The following SIRT2 variants were observed in gnomAD, a reference collection of about 807,000 sequenced individuals.
SIRT2 encodes sirtuin 2, also known as NAD-dependent protein deacetylase sirtuin-2.
Under a neutral mutation model 57.4 loss-of-function variants are expected in SIRT2, and 40 were observed. The observed-to-expected ratio is 0.70, with a 90% CI of 0.54 to 0.91. SIRT2 has a LOEUF of 0.91. SIRT2 is among the 40% of genes least tolerant of loss of function. The pLI is 0.00. For missense variants in SIRT2, 439 were observed against 510.4 expected (o/e 0.86, Z 1.35); for synonymous variants, 161 against 195.7 (o/e 0.82, Z 1.48).
rs143889239 is a variant in SIRT2 at position 38,889,718 on chromosome 19, C to T, written c.403G>A (p.Ala135Thr). Residue 135 changes from alanine to threonine, a missense_variant, in exon 7 of 16, where the codon GCC (alanine) becomes ACC (threonine). Physicochemically the swap from Ala to Thr is moderately conservative, Grantham distance 58. Coordinates refer to ENST00000249396, the MANE Select transcript of SIRT2 (RefSeq NM_012237.4). ...KKHPEPFFAL[A>T]KELYPGQFKP... ...AACTGCCCAGGATAGAGTTCCTTGG[C>T]GAGGGCGAAGAAGGGTTCCGGATGT... 2.3e-4 allele frequency: 372 copies of T among 1,614,074 alleles called. No homozygotes were observed. Among genetic ancestry groups the T allele is most frequent in the African/African-American group, 2.0e-3 (151 of 74,998 alleles).
At position 38,893,873 on chromosome 19, in the gene SIRT2, AG is replaced by A. The variant is rs1381362517; in HGVS notation, c.64-7del. 6.2e-7 allele frequency: 1 copy of A among 1,614,006 alleles called. No individual in the cohort carries two copies. The highest frequency in any genetic ancestry group is 8.5e-7 in the Non-Finnish European group (1 of 1,179,968). Reference sequence around the variant, plus strand: ...TCAGAGTCTGAATCTGAGTCCTGGAAGGGGTGGGGTGGAGTGGCCAGGCCCG... The same window carrying A: ...TCAGAGTCTGAATCTGAGTCCTGGAAGGGTGGGGTGGAGTGGCCAGGCCCG... On this transcript the variant is annotated splice_polypyrimidine_tract_variant and splice_region_variant and intron_variant, in intron 2 of 15. Transcript: ENST00000249396.
At chr19:38,883,237 C>G (rs1015148660) in intron 9 of SIRT2, among the ~76,000 whole-genome samples, 1 of 151,086 alleles carries the variant, frequency 6.6e-6, no homozygotes, top group South Asian at 2.1e-4. Flanking sequence ...CATGCCACCA[C>G]ACCAGGCTAA....
chr19:38,884,698 C>T (rs576454019), intron 8 of SIRT2, among the ~76,000 whole-genome samples: 2 of 152,182 alleles, frequency 1.3e-5, no homozygotes, highest in Non-Finnish European at 2.9e-5. Flanking sequence ...TTGCTTGCCT[C>T]GGCCTCCCAA....
chr19:38,883,835 G>A, intron 8 of SIRT2, 79 bp from the exon 9 acceptor site: 1 of 1,510,500 alleles, frequency 6.6e-7, no homozygotes, highest in South Asian at 1.2e-5. Flanking sequence ...GGGAGTTGAG[G>A]GCCACGAGGA....
chr19:38,886,856 G>A (rs1176741973), intron 8 of SIRT2, among the ~76,000 whole-genome samples: 1 of 151,954 alleles, frequency 6.6e-6, no homozygotes, highest in Admixed American at 6.6e-5. Context: ...TCCTGACGTT[G>A]ACTTTGGCCT....
chr19:38,881,528 A>G, intron 9 of SIRT2, 37 bp from the exon 10 acceptor site: 1 of 1,590,162 alleles, frequency 6.3e-7, no homozygotes, highest in Non-Finnish European at 8.6e-7. Flanking sequence ...GAAGGCAGTA[A>G]GAGGATCTGG....
At position 38,889,126 on chromosome 19, in the gene SIRT2, C is replaced by G. The variant is rs1973436741; in HGVS notation, c.462G>C (p.Leu154=). The change falls in exon 8 of 16, where the codon CTG becomes CTC. Residue 154 remains leucine, a synonymous_variant. Coordinates refer to ENST00000249396, the MANE Select transcript of SIRT2 (RefSeq NM_012237.4). ...GCAGGAGTAGCCCCTTGTCCTTCAGCAGGCGCATGAAGTAGTGACAGATGG... is the reference window on the plus strand; with the variant it reads ...GCAGGAGTAGCCCCTTGTCCTTCAGGAGGCGCATGAAGTAGTGACAGATGG... ...KPTICHYFMR[L]LKDKGLLLRC... 1 of 1,613,170 alleles carries G rather than the reference C, an allele frequency of 6.2e-7. No homozygotes were observed. The highest frequency in any genetic ancestry group is 1.1e-5 in the South Asian group (1 of 91,084).
At chr19:38,885,206 C>T (rs1973287678) in intron 8 of SIRT2, among the ~76,000 whole-genome samples, 1 of 152,150 alleles carries the variant, frequency 6.6e-6, no homozygotes, top group Non-Finnish European at 1.5e-5. Flanking sequence ...CCACCTCAGC[C>T]CACTGAGTAG....
At chr19:38,886,411 C>T (rs1430420730) in intron 8 of SIRT2, among the ~76,000 whole-genome samples, 2 of 151,938 alleles carry the variant, frequency 1.3e-5, no homozygotes, top group African/African-American at 4.8e-5. Context: ...GGAAAAGAAC[C>T]ACCGAAATAC....
intron 2 of SIRT2, among the ~76,000 whole-genome samples, chr19:38,896,759 C>T (rs530090763): frequency 5.3e-5 from 8 of 152,330 alleles, no homozygotes; most frequent in Admixed American, 3.3e-4. Context: ...TAACAGGAGG[C>T]TCTTATATCC....
chr19:38,893,393 C>T (rs1973606370), intron 4 of SIRT2, 21 bp downstream of exon 4: 3 of 1,529,742 alleles, frequency 2.0e-6, no homozygotes, highest in East Asian at 2.2e-5. Context: ...CAAAGTGGCC[C>T]AATCCTGACA....
At position 38,880,722 on chromosome 19, in the gene SIRT2, G is replaced by A; in HGVS notation, c.839C>T (p.Thr280Ile). The change falls in exon 13 of 16, where the codon ACC (threonine) becomes ATC (isoleucine). Residue 280 changes from threonine (T) to isoleucine (I), a missense_variant. Physicochemically the swap from Thr to Ile is moderately conservative, Grantham distance 89 (BLOSUM62 -1). Coordinates refer to ENST00000249396, the MANE Select transcript of SIRT2 (RefSeq NM_012237.4). This position sits in a 1 kb window ranked among gnomAD's most constrained non-coding sequence, Gnocchi z 4.1. Reference protein sequence around the residue: ...ASLISKAPLSTPRLLINKEKA... With the variant: ...ASLISKAPLSIPRLLINKEKA... ...CTCCTTGTTGATGAGCAGGCGAGGG[G>A]TGGAGAGGGGTGCCCTGTGGGGAGG... 6.2e-7 allele frequency: 1 copy of A among 1,602,850 alleles called. No homozygotes were observed. The highest frequency in any genetic ancestry group is 8.5e-7 in the Non-Finnish European group (1 of 1,172,142).
chr19:38,898,867 T>C (rs1973824933), intron 1 of SIRT2: 3 of 165,836 alleles, frequency 1.8e-5, no homozygotes, highest in South Asian at 1.5e-4. Flanking sequence ...AGTGCGATCA[T>C]AGCTCACTGC....
rs537602231 is a variant in SIRT2 at position 38,879,897 on chromosome 19, C to T, written c.877-195G>A. On this transcript the variant is annotated intron_variant, in intron 13 of 15. Transcript: ENST00000249396. ...CTGGAGTGCAATGATGTGATCTCGG[C>T]TCACTGCAACCTCCACCTCCTGGGT... The T allele has an allele frequency of 1.9e-5, 11 of 577,382 alleles. No individual in the cohort carries two copies. The East Asian group carries it at 3.1e-4, about 16-fold the overall frequency. The allele number at this position is 577,382 out of a possible 1,614,324, so 35.8% of individuals were successfully genotyped here.
intron 4 of SIRT2, among the ~76,000 whole-genome samples, chr19:38,891,350 A>C (rs1272426495): frequency 6.6e-6 from 1 of 152,076 alleles, no homozygotes; most frequent in Non-Finnish European, 1.5e-5. Flanking sequence ...GGAGTTCAAG[A>C]CCAGCCTGGC....
At chr19:38,885,486 C>T (rs1330027647) in intron 8 of SIRT2, among the ~76,000 whole-genome samples, 2 of 150,168 alleles carry the variant, frequency 1.3e-5, no homozygotes, top group Admixed American at 6.7e-5. Context: ...AGTACAATGG[C>T]GCTATCTCGG....
intron 4 of SIRT2, 99 bp downstream of exon 4, chr19:38,893,314 TA>T: frequency 1.3e-6 from 1 of 766,432 alleles, no homozygotes; most frequent in Non-Finnish European, 2.3e-6. Flanking sequence ...TTGCTACTTA[TA>T]AAGAAAAGGT....
chr19:38,889,803 G>C, intron 6 of SIRT2, 52 bp downstream of exon 6: 1 of 1,613,496 alleles, frequency 6.2e-7, no homozygotes, highest in South Asian at 1.1e-5. Context: ...GTTGGAGCCA[G>C]GTGACCCCAT....
At chr19:38,888,986 C>T (rs1166735667) in intron 8 of SIRT2, 101 bp downstream of exon 8, 10 of 1,075,414 alleles carry the variant, frequency 9.3e-6, no homozygotes, top group African/African-American at 1.5e-5. Context: ...TTGCTGGAGT[C>T]CCCGCCTGAG....
Sources: gnomAD v4.1 joint callset for allele counts (sites outside exome capture counted in the v4.1 genomes callset) on GRCh38, gnomAD v4.1.1 for gene constraint, Gnocchi (gnomAD v3.1) non-coding constraint, MANE v1.5 for transcripts, NCBI Gene and HGNC (gene_info 2026-07-23, HGNC 2026-07-21) for gene names.